RTKN2: variants seen among roughly 807,000 people sequenced by gnomAD.
RTKN2 encodes the protein rhotekin-2.
RTKN2 carries 69 observed loss-of-function variants against 71.5 expected under a neutral mutation model. That is an observed-to-expected ratio of 0.96 (90% confidence interval 0.79 to 1.18). The LOEUF is 1.18. RTKN2 is among the 50% of genes most tolerant of loss of function. The pLI is 0.00. For synonymous variants in RTKN2, 236 were observed against 236.5 expected, an observed-to-expected ratio of 1.00 and a Z score of 0.02; for missense variants, 724 against 719.7, an observed-to-expected ratio of 1.01 and a Z score of -0.07.
At position 62,195,964 on chromosome 10, in the gene RTKN2, T is replaced by A. The variant is rs762058918; in HGVS notation, c.*1944A>T. 1 of 985,162 alleles carries A rather than the reference T, an allele frequency of 1.0e-6. No individual in the cohort carries two copies. The highest frequency in any genetic ancestry group is 1.1e-4 in the East Asian group (1 of 8,816). 61.0% of individuals were successfully genotyped at this position (985,162 alleles called of 1,614,324 possible). ...CTTATACACCTTAAGTCCTTCCTGC[T>A]GTTATCTGCATGAGGAAAAATGACA... is the stretch of plus-strand genomic sequence containing the variant. On this transcript the variant is annotated 3_prime_UTR_variant, in exon 12 of 12. Coordinates refer to ENST00000373789, the MANE Select transcript of RTKN2 (RefSeq NM_145307.4).
intron 6 of RTKN2, among the ~76,000 whole-genome samples, chr10:62,223,618 A>G (rs1702780521): frequency 1.3e-5 from 2 of 152,288 alleles, no homozygotes; most frequent in South Asian, 4.1e-4. Flanking sequence ...TCAAAACCAC[A>G]ATGAGATATC....
In RTKN2 at chr10:62,218,185, G is replaced by A; in HGVS notation, c.888+10C>T. The A allele has an allele frequency of 6.4e-7, 1 of 1,557,684 alleles. No individual in the cohort carries two copies. The highest frequency in any genetic ancestry group is 8.8e-7 in the Non-Finnish European group (1 of 1,132,736). On this transcript the variant is annotated intron_variant, in intron 8 of 11. Transcript: ENST00000373789. ...CTACAATTGTTGTAGGATATTTAAAGTCCTCTAACCTGCTGATTAAGAAAT... is the reference window on the plus strand; with the variant it reads ...CTACAATTGTTGTAGGATATTTAAAATCCTCTAACCTGCTGATTAAGAAAT...
rs770800006 is a variant in RTKN2, at chr10:62,262,616, G to A, written c.257+9C>T. 2.5e-6 allele frequency: 4 copies of A among 1,573,142 alleles called. No homozygotes were observed. In the South Asian group the frequency reaches 4.6e-5, roughly 18 times the overall value. ...ACATTAAAAGCCACAGGTAAACTAT[G>A]TTACTAACCATCTTCCAGTCTGATT... On this transcript the variant is annotated intron_variant, in intron 2 of 11. Coordinates refer to ENST00000373789, the MANE Select transcript of RTKN2 (RefSeq NM_145307.4).
chr10:62,205,596 C>T (rs1000553057), intron 9 of RTKN2, among the ~76,000 whole-genome samples: 1 of 152,098 alleles, frequency 6.6e-6, no homozygotes, highest in African/African-American at 2.4e-5. Flanking sequence ...AAGTTCATAG[C>T]TAAAGATCCA....
At chr10:62,249,068 G>C (rs182607852) in intron 2 of RTKN2, among the ~76,000 whole-genome samples, 3 of 151,754 alleles carry the variant, frequency 2.0e-5, no homozygotes, top group African/African-American at 4.8e-5. Context: ...AAATAAAATC[G>C]GTAATGTCTT....
At chr10:62,209,755 G>A (rs1841621681) in intron 9 of RTKN2, among the ~76,000 whole-genome samples, 1 of 152,050 alleles carries the variant, frequency 6.6e-6, no homozygotes, top group African/African-American at 2.4e-5. Context: ...TAAGGATAAT[G>A]TCCTCCAGCT....
At position 62,194,151 on chromosome 10, in the gene RTKN2, A is replaced by G. The variant is rs1841277597; in HGVS notation, c.*3757T>C. 4.1e-6 allele frequency: 4 copies of G among 977,756 alleles called. No individual in the cohort carries two copies. The highest frequency in any genetic ancestry group is 1.8e-5 in the African/African-American group (1 of 57,042). 60.6% of individuals were successfully genotyped at this position (977,756 alleles called of 1,614,324 possible). ...CCATATTAAAAAATAAAAATTATAA[A>G]CAAAGCCAATTACACAAGCATGTCA... On this transcript the variant is annotated 3_prime_UTR_variant, in exon 12 of 12. Coordinates refer to ENST00000373789, the MANE Select transcript of RTKN2 (RefSeq NM_145307.4).
At chr10:62,259,931 A>T (rs1842743302) in intron 2 of RTKN2, among the ~76,000 whole-genome samples, 2 of 152,160 alleles carry the variant, frequency 1.3e-5, no homozygotes, top group South Asian at 4.1e-4. Context: ...AATCTAGAAG[A>T]TCCAAACCCA....
At chr10:62,186,201 C>T (rs1383217107) in intron 8 of RTKN2, among the ~76,000 whole-genome samples, 4 of 145,316 alleles carry the variant, frequency 2.8e-5, no homozygotes, top group South Asian at 2.1e-4. Context: ...ATATTCTTAA[C>T]GTATATGCTT....
intron 2 of RTKN2, chr10:62,259,142 A>C: frequency 6.8e-6 from 3 of 443,594 alleles, no homozygotes; most frequent in Non-Finnish European, 1.4e-5. Context: ...TGGTTTTATA[A>C]AGGGCAGTTC....
intron 2 of RTKN2, chr10:62,259,165 T>A: frequency 2.2e-6 from 1 of 452,866 alleles, no homozygotes; most frequent in South Asian, 1.6e-5. Context: ...CTGCACATGA[T>A]CTCTTGCCTG....
In RTKN2 at chr10:62,197,229, G is replaced by GT; in HGVS notation, c.*678dup. ...TTTCATCTACCATTTCTCTAAACTA[G>GT]TAAGTGTTATGCTTCATTTATGAAA... On this transcript the variant is annotated 3_prime_UTR_variant, in exon 12 of 12. Coordinates refer to ENST00000373789, the MANE Select transcript of RTKN2 (RefSeq NM_145307.4). 4.1e-6 allele frequency: 4 copies of GT among 985,292 alleles called. No homozygotes were observed. The highest frequency in any genetic ancestry group is 4.8e-6 in the Non-Finnish European group (4 of 829,462). The allele number at this position is 985,292 out of a possible 1,614,324, so 61.0% of individuals were successfully genotyped here.
At chr10:62,209,255 C>T (rs968509720) in intron 9 of RTKN2, among the ~76,000 whole-genome samples, 2 of 151,586 alleles carry the variant, frequency 1.3e-5, no homozygotes, top group East Asian at 1.9e-4. Context: ...GCAACACGAG[C>T]GAAACTCCAT....
chr10:62,198,545 C>A (rs1040423345), intron 11 of RTKN2, 102 bp from the exon 12 acceptor site: 7 of 843,408 alleles, frequency 8.3e-6, no homozygotes, highest in African/African-American at 5.2e-5. Context: ...ATACAATGGT[C>A]ATCAAAGACT....
At chr10:62,263,669 G>C (rs958895654) in intron 1 of RTKN2, among the ~76,000 whole-genome samples, 4 of 152,172 alleles carry the variant, frequency 2.6e-5, no homozygotes, top group African/African-American at 9.6e-5. Flanking sequence ...GGAGGAAACA[G>C]GCTATTTGTA....
At chr10:62,251,877 T>C (rs1842587938) in intron 2 of RTKN2, among the ~76,000 whole-genome samples, 1 of 151,658 alleles carries the variant, frequency 6.6e-6, no homozygotes, top group Non-Finnish European at 1.5e-5. Context: ...TGTCCAATGA[T>C]AAATATATAG....
Position 62,193,666 on chromosome 10 carries a change from A to C in RTKN2, c.*4242T>G. ...AGGAATAAAGTACTGAGGGAGGTAC[A>C]TTAAAATAAGGAGACTCCTTGTGGC... On this transcript the variant is annotated 3_prime_UTR_variant, in exon 12 of 12. Coordinates refer to ENST00000373789, the MANE Select transcript of RTKN2 (RefSeq NM_145307.4). The C allele has an allele frequency of 1.0e-6, 1 of 985,312 alleles. No homozygotes were observed. Among genetic ancestry groups the C allele is most frequent in the Non-Finnish European group, 1.2e-6 (1 of 829,800 alleles). 61.0% of individuals were successfully genotyped at this position (985,312 alleles called of 1,614,324 possible).
chr10:62,203,403 G>A (rs1589335930), intron 10 of RTKN2, among the ~76,000 whole-genome samples: 1 of 151,352 alleles, frequency 6.6e-6, no homozygotes, highest in Non-Finnish European at 1.5e-5. Flanking sequence ...GGAGTATACA[G>A]GTGAGATCTT....
chr10:62,212,914 T>C (rs972299244), intron 9 of RTKN2, among the ~76,000 whole-genome samples: 3 of 152,154 alleles, frequency 2.0e-5, no homozygotes, highest in African/African-American at 7.2e-5. Flanking sequence ...CTGCTACCCC[T>C]GGAGGGAGTA....
Sources: gnomAD v4.1 joint callset for allele counts (sites outside exome capture counted in the v4.1 genomes callset) on GRCh38, gnomAD v4.1.1 for gene constraint, MANE v1.5 for transcripts, NCBI Gene and HGNC (gene_info 2026-07-23, HGNC 2026-07-21) for gene names.